The following DIP2C variants were observed in gnomAD, a reference collection of about 807,000 sequenced individuals.
The protein encoded by DIP2C is DIP2 acetate--CoA ligase C (putative), also known as disco-interacting protein 2 homolog C.
In DIP2C, 33 loss-of-function variants were observed where a neutral mutation model predicts 192.4. The ratio of observed to expected loss-of-function variants is 0.17; its 90% CI spans 0.13 to 0.23. The LOEUF (loss-of-function observed/expected upper bound fraction) is 0.23, where lower values mean the gene tolerates loss of function less well. Among genes scored for constraint, DIP2C ranks in the 10% least tolerant of loss-of-function variants. The pLI, the probability that DIP2C is intolerant of heterozygous loss-of-function variation, is 1.00. For synonymous variants in DIP2C, 979 were observed against 864.1 expected, an observed-to-expected ratio of 1.13 and a Z score of -2.33; for missense variants, 1,537 against 2,110.1, an observed-to-expected ratio of 0.73 and a Z score of 5.32.
At chr10:431,390 T>C (rs1424176929) in intron 4 of DIP2C, among the ~76,000 whole-genome samples, 1 of 152,246 alleles carries the variant, frequency 6.6e-6, no homozygotes, top group Admixed American at 6.5e-5. Flanking sequence ...ATCTTGAACA[T>C]ATTTTGTTAG....
chr10:489,019 C>G (rs879016446), intron 1 of DIP2C, among the ~76,000 whole-genome samples: 1 of 152,020 alleles, frequency 6.6e-6, no homozygotes, highest in East Asian at 1.9e-4. Flanking sequence ...TACTGGGGGG[C>G]GGGCAAAGGG....
chr10:579,298 T>C (rs948062279), intron 1 of DIP2C, among the ~76,000 whole-genome samples: 1 of 151,956 alleles, frequency 6.6e-6, no homozygotes, highest in Non-Finnish European at 1.5e-5. Flanking sequence ...TCATGTAGTG[T>C]ACACACATAG....
At chr10:367,166 C>T (rs1051000262) in intron 18 of DIP2C, among the ~76,000 whole-genome samples, 27 of 152,164 alleles carry the variant, frequency 1.8e-4, no homozygotes, top group Admixed American at 3.3e-4. Flanking sequence ...GCCTGTAATC[C>T]CAGTACTTTG....
At chr10:426,535 T>C (rs1966608881) in intron 4 of DIP2C, among the ~76,000 whole-genome samples, 1 of 152,224 alleles carries the variant, frequency 6.6e-6, no homozygotes, top group Non-Finnish European at 1.5e-5. Flanking sequence ...ACAAAGGACC[T>C]ACAATAGCCA....
intron 1 of DIP2C, among the ~76,000 whole-genome samples, chr10:534,831 C>G (rs546129034): frequency 6.6e-6 from 1 of 151,826 alleles, no homozygotes; most frequent in South Asian, 2.1e-4. Context: ...CGCCTGCCAC[C>G]GCGCCCGGCT....
Position 356,911 on chromosome 10 carries a change from C to G in DIP2C, c.2905-405G>C, listed in dbSNP as rs573268453. Among the ~76,000 whole-genome samples the G allele has an allele frequency of 2.0e-5, 3 of 152,312 alleles. No individual in the cohort carries two copies. In the East Asian group the frequency reaches 5.8e-4, roughly 29 times the overall value. The stretch of plus-strand genomic sequence containing the variant: ...GATGCAAAGCGGATTTTGGTGGCTA[C>G]AGTGAGAGAATCAGATCTATCTGGT... On this transcript the variant is annotated intron_variant, in intron 23 of 36. Transcript: ENST00000280886.
At position 495,038 on chromosome 10, in the gene DIP2C, C is replaced by T. The variant is rs947387301; in HGVS notation, c.86-8508G>A. On this transcript the variant is annotated intron_variant, in intron 1 of 36. Coordinates refer to ENST00000280886, the MANE Select transcript of DIP2C (RefSeq NM_014974.3). ...TCATGGTGTATGGACAAAACAAATA[C>T]TATTCAACTTAACGAACTAAATTCT... Among the ~76,000 whole-genome samples, 4 of 152,230 alleles carry T rather than the reference C, an allele frequency of 2.6e-5. 1 individual carries two copies. The highest frequency in any genetic ancestry group is 2.6e-4 in the Admixed American group (4 of 15,282).
chr10:295,429 C>A (rs1377996295), intron 32 of DIP2C, among the ~76,000 whole-genome samples: 1 of 151,438 alleles, frequency 6.6e-6, no homozygotes, highest in Non-Finnish European at 1.5e-5. Flanking sequence ...GGTGCGGTGG[C>A]GGGCGCCTGT....
intron 32 of DIP2C, among the ~76,000 whole-genome samples, chr10:305,993 A>ATATATATATATATATATATATG (rs958069491): frequency 7.0e-6 from 1 of 142,700 alleles, no homozygotes; most frequent in African/African-American, 2.6e-5. Flanking sequence ...ATATATATAT[A>ATATATATATATATATATATATG]TTATATTTTT....
At position 352,963 on chromosome 10, in the gene DIP2C, T is replaced by C. The variant is rs140511707; in HGVS notation, c.2985+3463A>G. Among the ~76,000 whole-genome samples, 3 of 152,288 alleles carry C rather than the reference T, an allele frequency of 2.0e-5. No individual in the cohort carries two copies. In the East Asian group the frequency reaches 5.8e-4, roughly 29 times the overall value. Reference sequence around the variant, plus strand: ...CATGAACTCCGTGTTAAGAATGTGATGCATTCTCGGCGAGTGTCCCATAAA... The same window carrying C: ...CATGAACTCCGTGTTAAGAATGTGACGCATTCTCGGCGAGTGTCCCATAAA... On this transcript the variant is annotated intron_variant, in intron 24 of 36. Coordinates refer to ENST00000280886, the MANE Select transcript of DIP2C (RefSeq NM_014974.3).
chr10:348,600 C>T (rs1378090309), intron 26 of DIP2C, 41 bp downstream of exon 26: 3 of 1,602,494 alleles, frequency 1.9e-6, no homozygotes, highest in Non-Finnish European at 8.5e-7. Context: ...CCACACTCAG[C>T]TCCAGGCAGG....
At chr10:406,196 T>C (rs1247271576) in intron 9 of DIP2C, among the ~76,000 whole-genome samples, 4 of 152,216 alleles carry the variant, frequency 2.6e-5, no homozygotes, top group African/African-American at 4.8e-5. Flanking sequence ...ACATTACAGA[T>C]AAAGGAGCTA....
chr10:570,410 C>T (rs115808079), intron 1 of DIP2C, among the ~76,000 whole-genome samples: 326 of 152,290 alleles, frequency 2.1e-3, no homozygotes, highest in African/African-American at 7.7e-3. Context: ...GTCCTGACGT[C>T]CACTCCTCCC....
At chr10:598,448 T>TC (rs1319973724) in intron 1 of DIP2C, among the ~76,000 whole-genome samples, 2 of 152,152 alleles carry the variant, frequency 1.3e-5, no homozygotes, top group Non-Finnish European at 2.9e-5. Context: ...CGACATGCAA[T>TC]CATCACATGC....
chr10:413,065 G>C (rs571805363), intron 8 of DIP2C, among the ~76,000 whole-genome samples: 6 of 152,280 alleles, frequency 3.9e-5, no homozygotes, highest in Admixed American at 3.9e-4. Context: ...GCTCAATGCA[G>C]CCTCGACCTC....
chr10:463,201 A>C (rs1438678502), intron 3 of DIP2C, among the ~76,000 whole-genome samples: 1 of 152,226 alleles, frequency 6.6e-6, no homozygotes, highest in East Asian at 1.9e-4. Flanking sequence ...GAAGAGAGAA[A>C]GTCAAATTGT....
At chr10:303,376 AAATT>A (rs1956149661) in intron 32 of DIP2C, among the ~76,000 whole-genome samples, 1 of 152,262 alleles carries the variant, frequency 6.6e-6, no homozygotes, top group Admixed American at 6.5e-5. Flanking sequence ...CTTGTTAAAT[AAATT>A]AACCTACATT....
chr10:612,372 AGCATG>A (rs1853154447), intron 1 of DIP2C, among the ~76,000 whole-genome samples: 1 of 152,216 alleles, frequency 6.6e-6, no homozygotes, highest in South Asian at 2.1e-4. Context: ...ATAATATGAA[AGCATG>A]TGTTTACATT....
At chr10:599,464 A>C (rs1851918785) in intron 1 of DIP2C, among the ~76,000 whole-genome samples, 1 of 152,214 alleles carries the variant, frequency 6.6e-6, no homozygotes, top group Non-Finnish European at 1.5e-5. Context: ...AGAACAAACC[A>C]AGTTCCATGG....
Sources: gnomAD v4.1 joint callset for allele counts (sites outside exome capture counted in the v4.1 genomes callset) on GRCh38, gnomAD v4.1.1 for gene constraint, MANE v1.5 for transcripts, NCBI Gene and HGNC (gene_info 2026-07-23, HGNC 2026-07-21) for gene names.